Variants in CCDC192 observed in about 807,000 individuals in gnomAD.
CCDC192 encodes coiled-coil domain containing 192.
chr5:127,729,123 T>C (rs1580543080), intron 2 of CCDC192, among the ~76,000 whole-genome samples: 1 of 152,078 alleles, frequency 6.6e-6, no homozygotes, highest in Non-Finnish European at 1.5e-5. Context: ...GCTAGGCTGG[T>C]CTCAAACTCC....
At chr5:127,883,249 C>A (rs1752425583) in intron 6 of CCDC192, among the ~76,000 whole-genome samples, 1 of 152,148 alleles carries the variant, frequency 6.6e-6, no homozygotes. Context: ...CCACCATTTG[C>A]AGGAAGGAAT....
At chr5:127,794,624 G>A (rs956370531) in intron 3 of CCDC192, among the ~76,000 whole-genome samples, 2 of 151,964 alleles carry the variant, frequency 1.3e-5, no homozygotes, top group African/African-American at 4.8e-5. Flanking sequence ...TTGAGGCTGT[G>A]AACAATATTG....
At chr5:127,935,399 ACT>A (rs889362082) in intron 6 of CCDC192, 8 of 152,170 alleles carry the variant, frequency 5.3e-5, no homozygotes, top group Non-Finnish European at 1.2e-4. Flanking sequence ...TTCAATGCAT[ACT>A]TTTTGGTGGC....
intron 2 of CCDC192, among the ~76,000 whole-genome samples, chr5:127,707,983 A>C (rs1258944843): frequency 6.6e-6 from 1 of 152,022 alleles, no homozygotes; most frequent in African/African-American, 2.4e-5. Flanking sequence ...GCTTTGGAAA[A>C]GTTACATGTG....
intron 6 of CCDC192, among the ~76,000 whole-genome samples, chr5:127,879,046 A>G (rs1308182747): frequency 1.3e-5 from 2 of 150,150 alleles, no homozygotes; most frequent in Admixed American, 6.7e-5. Flanking sequence ...TGATTTTTGT[A>G]CATTGATTTT....
At chr5:127,853,956 T>C (rs1045751329) in intron 5 of CCDC192, among the ~76,000 whole-genome samples, 1 of 152,208 alleles carries the variant, frequency 6.6e-6, no homozygotes, top group African/African-American at 2.4e-5. Flanking sequence ...CACCCCACCC[T>C]TTCAATGACT....
chr5:127,823,223 C>T (rs1026292112), intron 5 of CCDC192, among the ~76,000 whole-genome samples: 9 of 152,144 alleles, frequency 5.9e-5, no homozygotes, highest in African/African-American at 2.2e-4. Flanking sequence ...ACACTTTGTA[C>T]GGGTCAAGTC....
intron 3 of CCDC192, chr5:127,785,009 T>TC: frequency 2.1e-6 from 1 of 476,398 alleles, no homozygotes; most frequent in East Asian, 5.6e-5. Flanking sequence ...AACTTCAACT[T>TC]TAATAAAATC....
At chr5:127,838,653 C>T (rs1033076765) in intron 5 of CCDC192, 1 of 152,168 alleles carries the variant, frequency 6.6e-6, no homozygotes, top group Non-Finnish European at 1.5e-5. Flanking sequence ...ACGATGGTTA[C>T]TTGTACATTT....
chr5:127,894,477 C>T (rs1467792977), intron 6 of CCDC192, among the ~76,000 whole-genome samples: 3 of 152,054 alleles, frequency 2.0e-5, no homozygotes, highest in Non-Finnish European at 4.4e-5. Flanking sequence ...ACGCGTGAGC[C>T]ACCGCGCCTG....
At chr5:127,854,748 G>A (rs1750985967) in intron 5 of CCDC192, among the ~76,000 whole-genome samples, 1 of 152,032 alleles carries the variant, frequency 6.6e-6, no homozygotes, top group African/African-American at 2.4e-5. Flanking sequence ...AGTAAATAAT[G>A]CAATAAAGTG....
intron 2 of CCDC192, among the ~76,000 whole-genome samples, chr5:127,718,827 T>C (rs1314837795): frequency 6.6e-6 from 1 of 152,174 alleles, no homozygotes; most frequent in Non-Finnish European, 1.5e-5. Flanking sequence ...GATACAGGCA[T>C]AAATATATAA....
intron 5 of CCDC192, among the ~76,000 whole-genome samples, chr5:127,874,985 C>T (rs191514647): frequency 6.6e-6 from 1 of 152,040 alleles, no homozygotes; most frequent in Non-Finnish European, 1.5e-5. Flanking sequence ...GCTTAAAAAC[C>T]ATTCTTATGC....
At chr5:127,870,301 T>C (rs1751792567) in intron 5 of CCDC192, among the ~76,000 whole-genome samples, 1 of 152,214 alleles carries the variant, frequency 6.6e-6, no homozygotes, top group Non-Finnish European at 1.5e-5. Context: ...TGGCAACTCA[T>C]GCAATAAATG....
At chr5:127,888,378 T>C (rs1227539861) in intron 6 of CCDC192, among the ~76,000 whole-genome samples, 1 of 151,790 alleles carries the variant, frequency 6.6e-6, no homozygotes, top group Non-Finnish European at 1.5e-5. Flanking sequence ...ATTGCGCCAC[T>C]GCACTCCAGC....
chr5:127,752,746 T>A lies in CCDC192; in HGVS notation c.115-1522T>A, dbSNP rs191248943. ...GCCTTGCAGTTTGATCTCAGACTGC[T>A]GTGCTAGCAGTCAGCGAGACTCCGT... is the stretch of plus-strand genomic sequence containing the variant. On this transcript the variant is annotated intron_variant, in intron 2 of 6. Transcript: ENST00000514853. Among the ~76,000 whole-genome samples, 3 of 152,286 alleles carry A rather than the reference T, an allele frequency of 2.0e-5. No individual in the cohort carries two copies. In the East Asian group the frequency reaches 5.8e-4, roughly 29 times the overall value.
At chr5:127,738,067 A>G (rs1190836088) in intron 2 of CCDC192, among the ~76,000 whole-genome samples, 3 of 152,076 alleles carry the variant, frequency 2.0e-5, no homozygotes. Context: ...AACAGCTGGT[A>G]CCAGTTGTTC....
At chr5:127,764,678 A>G (rs979363562) in intron 3 of CCDC192, among the ~76,000 whole-genome samples, 2 of 152,124 alleles carry the variant, frequency 1.3e-5, no homozygotes, top group African/African-American at 4.8e-5. Flanking sequence ...ACATTAGAAG[A>G]AGAAGAATTG....
chr5:127,766,790 C>A (rs1755251542), intron 3 of CCDC192, among the ~76,000 whole-genome samples: 4 of 152,064 alleles, frequency 2.6e-5, no homozygotes, highest in Admixed American at 2.6e-4. Context: ...CCTCTGTTCT[C>A]ATCTTGAGTA....
Sources: allele counts gnomAD v4.1 joint callset (sites outside exome capture counted in the v4.1 genomes callset), GRCh38; gene constraint gnomAD v4.1.1; transcripts MANE v1.5; gene names NCBI Gene and HGNC (gene_info 2026-07-23, HGNC 2026-07-21).